Variants in RNF126 observed in about 807,000 individuals in gnomAD.
RNF126 encodes the protein ring finger protein 126.
Under a neutral mutation model 41.9 loss-of-function variants are expected in RNF126, and 20 were observed. The observed-to-expected ratio is 0.48, with a 90% CI of 0.34 to 0.69. The LOEUF (loss-of-function observed/expected upper bound fraction) is 0.69, where lower values mean the gene tolerates loss of function less well. RNF126 is among the 30% of genes least tolerant of loss of function. RNF126 has a pLI of 0.01. For synonymous variants in RNF126, 239 were observed against 202.9 expected (o/e 1.18, Z -1.51); for missense variants, 433 against 460.6 (o/e 0.94, Z 0.55).
chr19:660,614 G>A (rs1472748159), intron 1 of RNF126, among the ~76,000 whole-genome samples: 1 of 152,154 alleles, frequency 6.6e-6, no homozygotes, highest in Non-Finnish European at 1.5e-5. Context: ...CAAACGCCAG[G>A]TGTGCCCATT....
intron 4 of RNF126, 165 bp downstream of exon 4, chr19:651,446 G>A (rs2030282000): frequency 3.4e-6 from 2 of 583,736 alleles, no homozygotes; most frequent in South Asian, 3.5e-5. Flanking sequence ...GTCTCCGAAG[G>A]GCCGTGTGGG....
chr19:662,681 TCA>T (rs2030859478), intron 1 of RNF126, among the ~76,000 whole-genome samples: 1 of 152,034 alleles, frequency 6.6e-6, no homozygotes. Context: ...TCGCCGGGCC[TCA>T]GTTTCTCCGT....
intron 6 of RNF126, chr19:649,215 C>A (rs1397124532): frequency 2.2e-5 from 2 of 91,548 alleles, no homozygotes; most frequent in African/African-American, 5.2e-5. Context: ...TCCCTGACAG[C>A]GGAATGGGGG....
intron 1 of RNF126, 50 bp downstream of exon 1, chr19:662,996 TC>T: frequency 9.8e-7 from 1 of 1,022,478 alleles, no homozygotes; most frequent in Non-Finnish European, 1.3e-6. Context: ...CGGCCTTGCC[TC>T]AGGCCTGCGG....
intron 1 of RNF126, 23 bp downstream of exon 1, chr19:663,024 C>T: frequency 7.6e-7 from 1 of 1,309,798 alleles, no homozygotes; most frequent in East Asian, 3.3e-5. Context: ...CCCTGCCGCC[C>T]GCCGCCCCGG....
intron 6 of RNF126, 60 bp from the exon 7 acceptor site, chr19:649,035 A>C: frequency 1.2e-6 from 1 of 839,198 alleles, no homozygotes; most frequent in Admixed American, 3.8e-5. Context: ...GGGGCTCTGA[A>C]ACGCGAGGCT....
Position 653,919 on chromosome 19 carries a change from C to T in RNF126, c.76-1035G>A, listed in dbSNP as rs980252078. Among the ~76,000 whole-genome samples the T allele has an allele frequency of 2.0e-5, 3 of 152,342 alleles. No individual in the cohort carries two copies. The East Asian group carries it at 5.8e-4, about 29-fold the overall frequency. ...CAAAAACAGGAGACAAGGCTCCCACCGTGCATGGGGGAGTGCTGTGAGGGG... is the reference window on the plus strand; with the variant it reads ...CAAAAACAGGAGACAAGGCTCCCACTGTGCATGGGGGAGTGCTGTGAGGGG... On this transcript the variant is annotated intron_variant, in intron 1 of 8. Coordinates refer to ENST00000292363, the MANE Select transcript of RNF126 (RefSeq NM_194460.3).
rs200494113 is a variant in RNF126, at chr19:651,742, G to C, written c.312C>G (p.Asp104Glu). 4.3e-6 allele frequency: 7 copies of C among 1,612,292 alleles called. No individual in the cohort carries two copies. The highest frequency in any genetic ancestry group is 1.6e-4 in the Middle Eastern group (1 of 6,080). Residue 104 changes from aspartate to glutamate, a missense_variant, in exon 4 of 9, where the codon GAC becomes GAG. Coordinates refer to ENST00000292363, the MANE Select transcript of RNF126 (RefSeq NM_194460.3). Reference protein sequence around the residue: ...PTFPPGAQADDGRDPESRRER... With the variant: ...PTFPPGAQADEGRDPESRRER... ...CCCGCCGGCTCTCAGGGTCCCTGCC[G>C]TCGTCAGCCTGCGCCCCAGGAGGGA...
At chr19:652,758 G>A (rs1015025549) in intron 2 of RNF126, 68 bp downstream of exon 2, 2 of 1,466,566 alleles carry the variant, frequency 1.4e-6, no homozygotes, top group Non-Finnish European at 9.5e-7. Context: ...CGCCAGCACA[G>A]CCCACACCCC....
In RNF126 at chr19:652,956, C is replaced by T. The variant is rs576298524; in HGVS notation, c.76-72G>A. Reference sequence around the variant, plus strand: ...CTGCAAACCCCCCCAAGTGTGAGGACAGAGGGGCTCCGGACCCAGCGGTCT... The same window carrying T: ...CTGCAAACCCCCCCAAGTGTGAGGATAGAGGGGCTCCGGACCCAGCGGTCT... On this transcript the variant is annotated intron_variant, in intron 1 of 8. Transcript: ENST00000292363. The T allele has an allele frequency of 1.1e-5, 16 of 1,400,778 alleles. No homozygotes were observed. The East Asian group carries it at 3.3e-4, about 29-fold the overall frequency. The allele number at this position is 1,400,778 out of a possible 1,614,324, so 86.8% of individuals were successfully genotyped here.
In RNF126 at chr19:648,064, C is replaced by T. The variant is rs551361902; in HGVS notation, c.*64G>A. The T allele has an allele frequency of 2.0e-5, 30 of 1,468,328 alleles. No individual in the cohort carries two copies. The Admixed American group carries it at 6.2e-4, about 30-fold the overall frequency. The allele number at this position is 1,468,328 out of a possible 1,614,324, so 91.0% of individuals were successfully genotyped here. ...CGCCGGGGCACCCAGTCTGTGGGTG[C>T]CGTGTGGCGCTGGCTGAGGGTGGGT... On this transcript the variant is annotated 3_prime_UTR_variant, in exon 9 of 9. Coordinates refer to ENST00000292363, the MANE Select transcript of RNF126 (RefSeq NM_194460.3).
At chr19:656,164 G>A (rs1307957068) in intron 1 of RNF126, among the ~76,000 whole-genome samples, 3 of 152,040 alleles carry the variant, frequency 2.0e-5, no homozygotes, top group Admixed American at 6.6e-5. Context: ...GTTTCACCAG[G>A]TGAATTATAT....
intron 6 of RNF126, 74 bp downstream of exon 6, chr19:649,605 C>T: frequency 8.1e-7 from 1 of 1,233,616 alleles, no homozygotes; most frequent in Admixed American, 2.0e-5. Flanking sequence ...TGGGTCCAGG[C>T]AGTGGGGCAG....
chr19:650,339 C>A (rs368068806), intron 4 of RNF126, 43 bp from the exon 5 acceptor site: 1 of 1,547,026 alleles, frequency 6.5e-7, no homozygotes, highest in Non-Finnish European at 8.8e-7. Context: ...CCGCCCCACG[C>A]ACAGGAGAGG....
Position 663,155 on chromosome 19 carries a change from C to A in RNF126, c.-34G>T. ...CCACCTACTCCGCGCCGCCCGCCCC[C>A]CGCGCGGCACCCGCCGCCGGCCGTT... On this transcript the variant is annotated 5_prime_UTR_variant, in exon 1 of 9. Transcript: ENST00000292363. 2.7e-6 allele frequency: 3 copies of A among 1,093,212 alleles called. No individual in the cohort carries two copies. In the South Asian group the frequency reaches 1.2e-4, roughly 44 times the overall value. 67.7% of individuals were successfully genotyped at this position (1,093,212 alleles called of 1,614,324 possible).
chr19:657,135 G>C (rs2030593582), intron 1 of RNF126, among the ~76,000 whole-genome samples: 1 of 152,210 alleles, frequency 6.6e-6, no homozygotes, highest in Non-Finnish European at 1.5e-5. Context: ...GCATCCACAA[G>C]GTCAGGCAGC....
In RNF126 at chr19:652,254, G is replaced by A; in HGVS notation, c.177C>T (p.Asp59=). The change falls in exon 3 of 9, where the codon GAC becomes GAT. Residue 59 remains aspartate (D), a synonymous_variant. Transcript: ENST00000292363. The part of the protein sequence containing the change: ...NGSAPSTAPT[D]QSRPPLEHVD... ...TCACCTCCAACGGTGGCCGGCTCTG[G>A]TCTGTGGGAGCTGTGGAGGGGGCAG... The A allele has an allele frequency of 1.3e-6, 2 of 1,547,840 alleles. No homozygotes were observed. The highest frequency in any genetic ancestry group is 1.7e-6 in the Non-Finnish European group (2 of 1,157,538).
intron 1 of RNF126, among the ~76,000 whole-genome samples, chr19:657,694 C>G (rs927346343): frequency 1.5e-4 from 23 of 152,212 alleles, no homozygotes; most frequent in African/African-American, 5.5e-4. Context: ...CCAAGGGCTG[C>G]GACCCAACTC....
chr19:658,012 C>T (rs1056776954), intron 1 of RNF126, among the ~76,000 whole-genome samples: 6 of 152,004 alleles, frequency 3.9e-5, no homozygotes, highest in African/African-American at 7.2e-5. Context: ...TCTCCGGGGG[C>T]AGCACGCACT....
Sources: allele counts gnomAD v4.1 joint callset (sites outside exome capture counted in the v4.1 genomes callset), GRCh38; gene constraint gnomAD v4.1.1; transcripts MANE v1.5; gene names NCBI Gene and HGNC (gene_info 2026-07-23, HGNC 2026-07-21).